The following LINGO2 variants were observed in gnomAD, a reference collection of about 807,000 sequenced individuals.
The protein encoded by LINGO2 is leucine rich repeat and Ig domain containing 2.
A neutral mutation model predicts 30.6 loss-of-function variants in LINGO2; 14 were observed. The ratio of observed to expected loss-of-function variants is 0.46; its 90% CI spans 0.30 to 0.72. The LOEUF is 0.72. Among genes scored for constraint, LINGO2 ranks in the 30% least tolerant of loss-of-function variants. LINGO2 has a pLI of 0.07. For missense variants in LINGO2, 729 were observed against 751.7 expected (o/e 0.97, Z 0.35); for synonymous variants, 317 against 288.5 (o/e 1.10, Z -1.00).
chr9:28,028,885 A>C (rs1215866878), intron 4 of LINGO2, among the ~76,000 whole-genome samples: 1 of 152,144 alleles, frequency 6.6e-6, no homozygotes, highest in Admixed American at 6.5e-5. Context: ...ACACATTTGT[A>C]ATCATCCAAA....
At chr9:28,801,130 T>C in the LINGO2 span, among the ~76,000 whole-genome samples, 1 of 152,058 alleles carries the variant, frequency 6.6e-6, no homozygotes. Context: ...AACCCTCAAA[T>C]ACAGTTAATG....
At chr9:28,913,731 T>C in the LINGO2 span, among the ~76,000 whole-genome samples, 2 of 152,154 alleles carry the variant, frequency 1.3e-5, no homozygotes, top group South Asian at 2.1e-4. Context: ...CTTGTTGTTT[T>C]ATAATGCTTA....
At chr9:29,025,267 G>A in the LINGO2 span, among the ~76,000 whole-genome samples, 3 of 152,170 alleles carry the variant, frequency 2.0e-5, no homozygotes, top group South Asian at 6.2e-4. Flanking sequence ...TCACATCTAG[G>A]TCAGTGCATG....
At chr9:28,302,011 C>T (rs1401927070) in intron 3 of LINGO2, among the ~76,000 whole-genome samples, 4 of 152,108 alleles carry the variant, frequency 2.6e-5, no homozygotes, top group African/African-American at 9.7e-5. Flanking sequence ...AAGATCATTT[C>T]CAGATAAGCA....
intron 1 of LINGO2, among the ~76,000 whole-genome samples, chr9:28,603,997 T>C (rs71513906): frequency 0.08 from 12,099 of 152,134 alleles, 638 homozygotes; most frequent in East Asian, 0.18. Context: ...ATCTTCTTTT[T>C]CTTGAATTTT....
chr9:29,205,606 T>TTTATATAGATCTGGTA, the LINGO2 span, among the ~76,000 whole-genome samples: 1 of 152,080 alleles, frequency 6.6e-6, no homozygotes, highest in East Asian at 1.9e-4. Context: ...CCTGAAAGAG[T>TTTATATAGATCTGGTA]TTATATAGAT....
the LINGO2 span, among the ~76,000 whole-genome samples, chr9:28,821,781 G>A: frequency 6.6e-6 from 1 of 152,132 alleles, no homozygotes; most frequent in Non-Finnish European, 1.5e-5. Flanking sequence ...GATGCCCTCA[G>A]TGCTTCTTCT....
chr9:28,182,277 C>A (rs1165865274), intron 4 of LINGO2, among the ~76,000 whole-genome samples: 2 of 152,148 alleles, frequency 1.3e-5, no homozygotes, highest in East Asian at 3.9e-4. Context: ...AAAACTGAAA[C>A]TGAACTCCTT....
At chr9:28,061,030 G>A (rs545092593) in intron 4 of LINGO2, among the ~76,000 whole-genome samples, 5 of 151,830 alleles carry the variant, frequency 3.3e-5, no homozygotes, top group African/African-American at 7.2e-5. Context: ...ATCCACAGTC[G>A]CATGCTGTTA....
chr9:29,124,005 A>G, the LINGO2 span, among the ~76,000 whole-genome samples: 1 of 152,186 alleles, frequency 6.6e-6, no homozygotes, highest in Non-Finnish European at 1.5e-5. Flanking sequence ...ACCTGACTTC[A>G]AACTATACTA....
intron 2 of LINGO2, among the ~76,000 whole-genome samples, chr9:28,432,456 G>T (rs374738487): frequency 3.4e-4 from 52 of 151,772 alleles, no homozygotes; most frequent in African/African-American, 1.1e-3. Flanking sequence ...TCAAGAAAAA[G>T]AAAGGAACTG....
At chr9:28,553,115 C>T (rs983010114) in intron 1 of LINGO2, among the ~76,000 whole-genome samples, 8 of 152,058 alleles carry the variant, frequency 5.3e-5, no homozygotes, top group African/African-American at 1.4e-4. Context: ...AGGAACGCAG[C>T]TCCTCACCAG....
intron 4 of LINGO2, among the ~76,000 whole-genome samples, chr9:28,068,844 C>G (rs184876947): frequency 3.7e-4 from 56 of 152,260 alleles, no homozygotes; most frequent in Admixed American, 3.3e-3. Context: ...GGATACAAAT[C>G]TATTCATTTA....
chr9:28,744,953 C>G, the LINGO2 span, among the ~76,000 whole-genome samples: 4 of 151,976 alleles, frequency 2.6e-5, no homozygotes, highest in Admixed American at 2.0e-4. Context: ...ATATTTTATT[C>G]TAACTACCCA....
chr9:28,806,336 T>A, the LINGO2 span, among the ~76,000 whole-genome samples: 1 of 152,194 alleles, frequency 6.6e-6, no homozygotes, highest in African/African-American at 2.4e-5. Context: ...GCCTTCACGA[T>A]CCCTTGTTGC....
chr9:28,524,168 A>G (rs1820928692), intron 1 of LINGO2, among the ~76,000 whole-genome samples: 1 of 152,180 alleles, frequency 6.6e-6, no homozygotes, highest in Admixed American at 6.5e-5. Flanking sequence ...GATAATTAAA[A>G]GTGAAAAAGC....
At chr9:29,179,296 T>C in the LINGO2 span, among the ~76,000 whole-genome samples, 59 of 150,502 alleles carry the variant, frequency 3.9e-4, no homozygotes, top group East Asian at 9.8e-3. Context: ...CTGCCTATAG[T>C]CCCAGGGAGG....
At chr9:28,900,112 T>C in the LINGO2 span, among the ~76,000 whole-genome samples, 1 of 152,158 alleles carries the variant, frequency 6.6e-6, no homozygotes, top group Non-Finnish European at 1.5e-5. Flanking sequence ...CCAATCGTCC[T>C]GGTTCCAGGC....
At chr9:28,512,858 G>A (rs1820467160) in intron 1 of LINGO2, among the ~76,000 whole-genome samples, 1 of 151,384 alleles carries the variant, frequency 6.6e-6, no homozygotes, top group African/African-American at 2.4e-5. Flanking sequence ...GATGTAGGCT[G>A]AGAGGCTAGT....
Sources: gnomAD v4.1 joint callset for allele counts (sites outside exome capture counted in the v4.1 genomes callset) on GRCh38, gnomAD v4.1.1 for gene constraint, MANE v1.5 for transcripts, NCBI Gene and HGNC (gene_info 2026-07-23, HGNC 2026-07-21) for gene names.